The following KCNQ3 variants were observed in gnomAD, a reference collection of about 807,000 sequenced individuals.
KCNQ3 encodes potassium voltage-gated channel subfamily KQT member 3.
KCNQ3 carries 30 observed loss-of-function variants against 92.5 expected under a neutral mutation model. The observed-to-expected ratio is 0.32, with a 90% confidence interval of 0.24 to 0.44. The LOEUF is 0.44. Ranked by LOEUF, KCNQ3 falls within the 20% of genes least tolerant of loss-of-function variation. KCNQ3 has a pLI of 1.00. For missense variants in KCNQ3, 913 were observed against 1,140.3 expected (o/e 0.80, Z 2.87); for synonymous variants, 450 against 468.8 (o/e 0.96, Z 0.52).
At position 132,136,167 on chromosome 8, in the gene KCNQ3, G is replaced by C. The variant is rs141453721; in HGVS notation, c.1700+1718C>G. ...AAAAAGAAAAGAGAAAGGCCATGGA[G>C]AATTACACCTCCAAGCTGACAGATA... is the stretch of plus-strand genomic sequence containing the variant. On this transcript the variant is annotated intron_variant, in intron 12 of 14. Coordinates refer to ENST00000388996, the MANE Select transcript of KCNQ3 (RefSeq NM_004519.4). Among the ~76,000 whole-genome samples the C allele has an allele frequency of 4.1e-3, 582 of 140,888 alleles. 5 individuals carry two copies. The highest frequency in any genetic ancestry group is 0.015 in the African/African-American group (555 of 37,620). 92.4% of individuals were successfully genotyped at this position (140,888 alleles called of 152,430 possible).
Position 132,426,486 on chromosome 8 carries a change from TG to T in KCNQ3, c.386+53660del, listed in dbSNP as rs150368579. Among the ~76,000 whole-genome samples the T allele has an allele frequency of 8.5e-3, 1,297 of 152,332 alleles. 9 individuals are homozygous for T. The highest frequency in any genetic ancestry group is 0.014 in the Non-Finnish European group (934 of 68,030). On this transcript the variant is annotated intron_variant, in intron 1 of 14. Coordinates refer to ENST00000388996, the MANE Select transcript of KCNQ3 (RefSeq NM_004519.4). ...TCTGTGATCCCACATGCAATCCTCA[TG>T]GGGACCAGCATGGCACGCAGTGTCC...
At chr8:132,214,987 T>C (rs547199327) in intron 1 of KCNQ3, among the ~76,000 whole-genome samples, 73 of 152,368 alleles carry the variant, frequency 4.8e-4, no homozygotes, top group African/African-American at 1.7e-3. Context: ...GACTCCTTTC[T>C]GGGACATGTG....
intron 12 of KCNQ3, 133 bp from the exon 13 acceptor site, chr8:132,134,521 TGAGGAGAGGA>T (rs972254860): frequency 7.9e-5 from 51 of 647,548 alleles, no homozygotes; most frequent in South Asian, 5.0e-5. Context: ...AGAGGAGAAG[TGAGGAGAGGA>T]GAGGGGAGGA....
rs866300626 is a variant in KCNQ3, at chr8:132,344,340, T to C, written c.386+135807A>G. 2.6e-5 allele frequency among the ~76,000 whole-genome samples: 4 copies of C among 152,352 alleles called. No individual in the cohort carries two copies. The South Asian group carries it at 8.3e-4, about 32-fold the overall frequency. On this transcript the variant is annotated intron_variant, in intron 1 of 14. Transcript: ENST00000388996. ...AAAGACATTGCCAAATCTAAATCTG[T>C]GCATGTGTCTACTGGGAGGCTATCT...
chr8:132,425,998 C>T (rs768114057), intron 1 of KCNQ3, among the ~76,000 whole-genome samples: 19 of 152,206 alleles, frequency 1.2e-4, no homozygotes, highest in Non-Finnish European at 2.5e-4. Flanking sequence ...TAAAACAATG[C>T]CCAGGTGCAA....
intron 1 of KCNQ3, chr8:132,278,282 G>T: frequency 1.2e-6 from 1 of 850,022 alleles, no homozygotes; most frequent in Non-Finnish European, 1.4e-6. Flanking sequence ...TTGCAATTTA[G>T]ACTGTGCTTC....
chr8:132,302,153 G>A (rs1817234513), intron 1 of KCNQ3, among the ~76,000 whole-genome samples: 1 of 152,176 alleles, frequency 6.6e-6, no homozygotes, highest in Admixed American at 6.5e-5. Context: ...TCCACAAGTG[G>A]CAAGTGGGTC....
At chr8:132,401,582 G>A (rs564257499) in intron 1 of KCNQ3, among the ~76,000 whole-genome samples, 2 of 152,110 alleles carry the variant, frequency 1.3e-5, no homozygotes, top group African/African-American at 4.8e-5. Context: ...CACCATGTTG[G>A]CCAGGATGGT....
chr8:132,266,034 T>G (rs1815970472), intron 1 of KCNQ3, among the ~76,000 whole-genome samples: 1 of 152,166 alleles, frequency 6.6e-6, no homozygotes, highest in Non-Finnish European at 1.5e-5. Context: ...ACAATTCATC[T>G]CTTAGAGCCA....
At chr8:132,363,244 C>T (rs7821040) in intron 1 of KCNQ3, among the ~76,000 whole-genome samples, 4,080 of 152,176 alleles carry the variant, frequency 0.027, 175 homozygotes, top group African/African-American at 0.092. Flanking sequence ...AAACGCGAAA[C>T]CACAAAAGGC....
chr8:132,424,432 A>C (rs1821054096), intron 1 of KCNQ3, among the ~76,000 whole-genome samples: 1 of 152,186 alleles, frequency 6.6e-6, no homozygotes, highest in African/African-American at 2.4e-5. Context: ...CTCATTCGAC[A>C]GATGAGGAAA....
intron 1 of KCNQ3, among the ~76,000 whole-genome samples, chr8:132,293,455 C>A (rs115381364): frequency 1.9e-3 from 289 of 152,244 alleles, no homozygotes; most frequent in African/African-American, 6.5e-3. Context: ...ACCCCCATAC[C>A]TTTGGTCACA....
chr8:132,272,626 G>C (rs1395652045), intron 1 of KCNQ3, among the ~76,000 whole-genome samples: 2 of 152,192 alleles, frequency 1.3e-5, no homozygotes, highest in Admixed American at 1.3e-4. Flanking sequence ...ATGGATGGGG[G>C]CAGGCAAAGA....
chr8:132,448,432 T>C (rs759171612), intron 1 of KCNQ3, among the ~76,000 whole-genome samples: 1 of 144,682 alleles, frequency 6.9e-6, no homozygotes, highest in Admixed American at 7.2e-5. Context: ...AAACGTCATG[T>C]AGGCGTAGGT....
Position 132,121,797 on chromosome 8 carries a change from A to T in KCNQ3, c.*7465T>A, listed in dbSNP as rs1824477228. The stretch of plus-strand genomic sequence containing the variant: ...TTGTTTGGTTAAAAACAATGACAGG[A>T]GCTCCTTGGGGGCAGAGAACAAGGG... On this transcript the variant is annotated 3_prime_UTR_variant, in exon 15 of 15. Coordinates refer to ENST00000388996, the MANE Select transcript of KCNQ3 (RefSeq NM_004519.4). 6.6e-6 allele frequency: 1 copy of T among 152,186 alleles called. No individual in the cohort carries two copies. The highest frequency in any genetic ancestry group is 2.4e-5 in the African/African-American group (1 of 41,434). The allele number at this position is 152,186 out of a possible 1,614,324, so 9.4% of individuals were successfully genotyped here. A position where few individuals can be genotyped will look rare whatever the true frequency, so the allele number is the denominator to read the frequency against.
intron 1 of KCNQ3, chr8:132,321,689 C>T (rs1211623770): frequency 6.6e-6 from 1 of 152,214 alleles, no homozygotes; most frequent in African/African-American, 2.4e-5. Flanking sequence ...GGGGTTACTC[C>T]ATGTGATTTA....
At chr8:132,462,426 G>A (rs1230981895) in intron 1 of KCNQ3, among the ~76,000 whole-genome samples, 1 of 152,174 alleles carries the variant, frequency 6.6e-6, no homozygotes, top group African/African-American at 2.4e-5. Flanking sequence ...GACCTCAAGT[G>A]ATCTACCCAC....
intron 1 of KCNQ3, among the ~76,000 whole-genome samples, chr8:132,416,003 G>A (rs941021929): frequency 5.3e-5 from 8 of 152,156 alleles, no homozygotes; most frequent in Non-Finnish European, 1.0e-4. Context: ...CAGAGGTTCA[G>A]GGAGGTCATA....
intron 12 of KCNQ3, among the ~76,000 whole-genome samples, chr8:132,136,177 T>C (rs2130935382): frequency 7.7e-6 from 1 of 130,544 alleles, no homozygotes; most frequent in Admixed American, 8.1e-5. Context: ...GAATTACACC[T>C]CCAAGCTGAC....
Sources: allele counts gnomAD v4.1 joint callset (sites outside exome capture counted in the v4.1 genomes callset), GRCh38; gene constraint gnomAD v4.1.1; transcripts MANE v1.5; gene names NCBI Gene and HGNC (gene_info 2026-07-23, HGNC 2026-07-21).